The following NPSR1 variants were observed in gnomAD, a reference collection of about 807,000 sequenced individuals.
NPSR1 encodes the protein neuropeptide S receptor 1.
Under a neutral mutation model 46.9 loss-of-function variants are expected in NPSR1, and 48 were observed. The observed-to-expected ratio is 1.02, with a 90% CI of 0.81 to 1.30. NPSR1 has a LOEUF of 1.30. Among genes scored for constraint, NPSR1 ranks in the 50% most tolerant of loss-of-function variants. NPSR1 has a pLI of 0.00. For missense variants in NPSR1, 450 were observed against 449.5 expected (o/e 1.00, Z -0.01); for synonymous variants, 176 against 168.1 (o/e 1.05, Z -0.36).
At chr7:34,784,041 C>T (rs62462896) in intron 3 of NPSR1, among the ~76,000 whole-genome samples, 18,656 of 151,994 alleles carry the variant, frequency 0.12, 1,434 homozygotes, top group Non-Finnish European at 0.17. Flanking sequence ...AAAAAAAGAG[C>T]GAGCTAATTA....
At chr7:34,812,661 G>A (rs1789046707) in intron 4 of NPSR1, among the ~76,000 whole-genome samples, 1 of 152,140 alleles carries the variant, frequency 6.6e-6, no homozygotes, top group African/African-American at 2.4e-5. Context: ...AAGACTAGCT[G>A]CCTACTGCTC....
intron 3 of NPSR1, among the ~76,000 whole-genome samples, chr7:34,810,087 A>C (rs1301844202): frequency 6.6e-6 from 1 of 152,206 alleles, no homozygotes; most frequent in Admixed American, 6.5e-5. Context: ...AAGAACCACA[A>C]TGTGCTTGAT....
intron 2 of NPSR1, among the ~76,000 whole-genome samples, chr7:34,773,374 C>T (rs994169434): frequency 1.3e-5 from 2 of 152,108 alleles, no homozygotes; most frequent in Admixed American, 6.5e-5. Context: ...ATCCTACACC[C>T]CCTTCACAAT....
chr7:34,716,299 G>A (rs1783562139), intron 2 of NPSR1, among the ~76,000 whole-genome samples: 1 of 152,086 alleles, frequency 6.6e-6, no homozygotes, highest in East Asian at 1.9e-4. Context: ...ATAAAATGAT[G>A]GCAAATAACA....
At chr7:34,681,975 T>C (rs1458532) in intron 1 of NPSR1, among the ~76,000 whole-genome samples, 1 of 152,024 alleles carries the variant, frequency 6.6e-6, no homozygotes, top group Non-Finnish European at 1.5e-5. Flanking sequence ...ATTTAAATAA[T>C]TATCTTGGGA....
chr7:34,752,145 C>G (rs1197908838), intron 2 of NPSR1: 1 of 454,904 alleles, frequency 2.2e-6, no homozygotes, highest in Non-Finnish European at 4.1e-6. Context: ...GCTTATATAC[C>G]TTCCAAACTA....
intron 2 of NPSR1, among the ~76,000 whole-genome samples, chr7:34,741,624 G>A (rs1467945771): frequency 6.6e-6 from 1 of 152,168 alleles, no homozygotes; most frequent in African/African-American, 2.4e-5. Context: ...ATCCTTCAGG[G>A]ACCCTGGGAA....
At chr7:34,743,445 CTT>C (rs201399099) in intron 2 of NPSR1, among the ~76,000 whole-genome samples, 12 of 145,388 alleles carry the variant, frequency 8.3e-5, no homozygotes, top group Non-Finnish European at 1.1e-4. Flanking sequence ...TCTCTGTCTT[CTT>C]TTTTTTTTTT....
intron 1 of NPSR1, among the ~76,000 whole-genome samples, chr7:34,665,163 G>T (rs1198626533): frequency 1.3e-5 from 2 of 152,152 alleles, no homozygotes; most frequent in African/African-American, 4.8e-5. Context: ...TTTTGGTCTG[G>T]ATAGGTTAAG....
chr7:34,829,234 G>C (rs1246494072), intron 5 of NPSR1, among the ~76,000 whole-genome samples: 1 of 152,140 alleles, frequency 6.6e-6, no homozygotes, highest in Non-Finnish European at 1.5e-5. Flanking sequence ...GATTGAGATG[G>C]GCAAGCACAT....
intron 2 of NPSR1, among the ~76,000 whole-genome samples, chr7:34,766,512 C>T (rs571185172): frequency 4.0e-5 from 6 of 151,814 alleles, no homozygotes; most frequent in Admixed American, 2.0e-4. Flanking sequence ...TAAAACTATT[C>T]GGCAATAAGA....
intron 8 of NPSR1, among the ~76,000 whole-genome samples, chr7:34,874,098 A>G (rs915662982): frequency 9.3e-5 from 14 of 151,310 alleles, no homozygotes; most frequent in Admixed American, 5.2e-4. Context: ...AACAAGCAGA[A>G]AGTTGAGACT....
chr7:34,686,923 T>C (rs939984763), intron 2 of NPSR1, among the ~76,000 whole-genome samples: 1 of 137,688 alleles, frequency 7.3e-6, no homozygotes, highest in African/African-American at 2.8e-5. Flanking sequence ...ATCATGCCAC[T>C]GCACTCCAGC....
intron 1 of NPSR1, among the ~76,000 whole-genome samples, chr7:34,666,632 A>C (rs1159000361): frequency 6.6e-6 from 1 of 152,204 alleles, no homozygotes; most frequent in Admixed American, 6.5e-5. Flanking sequence ...AAAAAAAATA[A>C]ATCTTTGTTT....
At chr7:34,784,311 G>A (rs535279755) in intron 3 of NPSR1, among the ~76,000 whole-genome samples, 3 of 152,154 alleles carry the variant, frequency 2.0e-5, no homozygotes, top group African/African-American at 7.2e-5. Flanking sequence ...TATGATATTG[G>A]CTGTGGGTTT....
At chr7:34,789,131 T>A (rs1394807416) in intron 3 of NPSR1, among the ~76,000 whole-genome samples, 3 of 151,842 alleles carry the variant, frequency 2.0e-5, no homozygotes, top group African/African-American at 7.3e-5. Flanking sequence ...TAACAAAGCT[T>A]ATGGGATGCA....
intron 2 of NPSR1, among the ~76,000 whole-genome samples, chr7:34,688,334 G>A (rs760736126): frequency 1.6e-4 from 25 of 152,158 alleles, no homozygotes; most frequent in Non-Finnish European, 2.8e-4. Context: ...GAAAAACGAG[G>A]AGAAAAATAG....
chr7:34,822,720 G>A (rs1441825261), intron 4 of NPSR1, among the ~76,000 whole-genome samples: 1 of 152,028 alleles, frequency 6.6e-6, no homozygotes, highest in Non-Finnish European at 1.5e-5. Context: ...CAGAATATTA[G>A]ATCACCACCC....
chr7:34,864,633 A>G lies in NPSR1; in HGVS notation c.1026-13443A>G, dbSNP rs150589264. Among the ~76,000 whole-genome samples, 36 of 152,026 alleles carry G rather than the reference A, an allele frequency of 2.4e-4. No homozygotes were observed. The East Asian group carries it at 6.7e-3, about 28-fold the overall frequency. On this transcript the variant is annotated intron_variant, in intron 8 of 8. Coordinates refer to the NPSR1 transcript ENST00000359791. ...CAATTTCTTATCCAACTGCTTTGTTATATTTCTCAATGTTCCTAGGCCATG... is the reference window on the plus strand; with the variant it reads ...CAATTTCTTATCCAACTGCTTTGTTGTATTTCTCAATGTTCCTAGGCCATG...
Sources: allele counts gnomAD v4.1 joint callset (sites outside exome capture counted in the v4.1 genomes callset), GRCh38; gene constraint gnomAD v4.1.1; transcripts MANE v1.5; gene names NCBI Gene and HGNC (gene_info 2026-07-23, HGNC 2026-07-21).